The following ELMO1 variants were observed in gnomAD, a reference collection of about 807,000 sequenced individuals.
ELMO1 encodes the protein engulfment and cell motility 1.
In ELMO1, 26 loss-of-function variants were observed where a neutral mutation model predicts 98.9. The ratio of observed to expected loss-of-function variants is 0.26; its 90% CI spans 0.19 to 0.36. The LOEUF (loss-of-function observed/expected upper bound fraction) is 0.36, where lower values mean the gene tolerates loss of function less well. Among genes scored for constraint, ELMO1 ranks in the 10% least tolerant of loss-of-function variants. ELMO1 has a pLI of 1.00. For synonymous variants in ELMO1, 346 were observed against 346.0 expected (o/e 1.00, Z 0.00); for missense variants, 627 against 935.2 (o/e 0.67, Z 4.30).
intron 15 of ELMO1, among the ~76,000 whole-genome samples, chr7:37,041,595 CA>C (rs1490120679): frequency 6.6e-6 from 1 of 152,086 alleles, no homozygotes; most frequent in African/African-American, 2.4e-5. Flanking sequence ...TGAAAAGTAT[CA>C]CCAGAGACAA....
intron 16 of ELMO1, among the ~76,000 whole-genome samples, chr7:37,006,069 T>C (rs1003807987): frequency 7.2e-5 from 11 of 152,168 alleles, no homozygotes; most frequent in African/African-American, 2.7e-4. Context: ...TTATGTACTG[T>C]CCCCAGCCCC....
In ELMO1 at chr7:37,165,741, G is replaced by A. The variant is rs192248614; in HGVS notation, c.1087-32507C>T. Among the ~76,000 whole-genome samples, 217 of 152,278 alleles carry A rather than the reference G, an allele frequency of 1.4e-3. 2 individuals carry two copies. The highest frequency in any genetic ancestry group is 0.011 in the East Asian group (58 of 5,186). ...ATGTGCTGCTGGATTCGGTTTACCAGTATTTTATTGAGGATTTTTGCATCA... is the reference window on the plus strand; with the variant it reads ...ATGTGCTGCTGGATTCGGTTTACCAATATTTTATTGAGGATTTTTGCATCA... On this transcript the variant is annotated intron_variant, in intron 13 of 21. Coordinates refer to ENST00000310758, the MANE Select transcript of ELMO1 (RefSeq NM_014800.11).
At chr7:37,123,109 C>T (rs573292522) in intron 14 of ELMO1, among the ~76,000 whole-genome samples, 2,636 of 150,730 alleles carry the variant, frequency 0.017, 77 homozygotes, top group African/African-American at 0.063. Context: ...CACAACATAC[C>T]AGAATCTCTG....
intron 14 of ELMO1, among the ~76,000 whole-genome samples, chr7:37,131,518 C>G (rs924045532): frequency 1.3e-5 from 2 of 152,158 alleles, no homozygotes; most frequent in African/African-American, 4.8e-5. Context: ...ATTTTAGAAA[C>G]ACTCATCCAT....
intron 15 of ELMO1, among the ~76,000 whole-genome samples, chr7:37,015,582 C>T (rs891657355): frequency 6.6e-6 from 1 of 152,124 alleles, no homozygotes; most frequent in Non-Finnish European, 1.5e-5. Context: ...GCCTGGGCGA[C>T]AAGAGCGAAA....
At chr7:37,395,041 G>C (rs1803232247) in intron 1 of ELMO1, among the ~76,000 whole-genome samples, 1 of 152,076 alleles carries the variant, frequency 6.6e-6, no homozygotes, top group African/African-American at 2.4e-5. Flanking sequence ...TGCAGTACTA[G>C]AAAGAGAGAG....
At chr7:37,204,168 G>A in intron 13 of ELMO1, 1 of 456,448 alleles carries the variant, frequency 2.2e-6, no homozygotes, top group Non-Finnish European at 4.4e-6. Flanking sequence ...CATCTGGGTG[G>A]CCAAAATGTG....
intron 13 of ELMO1, among the ~76,000 whole-genome samples, chr7:37,174,683 A>G (rs1401096799): frequency 6.6e-6 from 1 of 152,226 alleles, no homozygotes; most frequent in Non-Finnish European, 1.5e-5. Context: ...AGGCACCAGT[A>G]CATGATGTTA....
chr7:36,986,878 T>G (rs1203738129), intron 16 of ELMO1, among the ~76,000 whole-genome samples: 4 of 152,108 alleles, frequency 2.6e-5, no homozygotes, highest in African/African-American at 9.7e-5. Context: ...CTACCCAGGA[T>G]GTAAACAAAC....
At chr7:36,980,282 A>C (rs1790931486) in intron 16 of ELMO1, among the ~76,000 whole-genome samples, 1 of 152,244 alleles carries the variant, frequency 6.6e-6, no homozygotes, top group Admixed American at 6.5e-5. Flanking sequence ...AATCAGTTTC[A>C]GCTGTAAGAC....
At chr7:37,221,487 C>A (rs745432928) in intron 10 of ELMO1, among the ~76,000 whole-genome samples, 3 of 151,946 alleles carry the variant, frequency 2.0e-5, no homozygotes, top group African/African-American at 4.8e-5. Context: ...AAATTGTGAC[C>A]AGGGTAACAT....
At chr7:37,057,728 C>T (rs1796462487) in intron 15 of ELMO1, among the ~76,000 whole-genome samples, 1 of 152,170 alleles carries the variant, frequency 6.6e-6, no homozygotes, top group African/African-American at 2.4e-5. Flanking sequence ...ATGAATTGAC[C>T]TCTGGGTTGA....
intron 13 of ELMO1, among the ~76,000 whole-genome samples, chr7:37,149,618 G>T (rs192126114): frequency 6.6e-6 from 1 of 152,148 alleles, no homozygotes; most frequent in African/African-American, 2.4e-5. Context: ...TTTCACATCA[G>T]GGAGCAGAAT....
At chr7:37,014,037 G>A (rs1357643011) in intron 15 of ELMO1, among the ~76,000 whole-genome samples, 1 of 152,138 alleles carries the variant, frequency 6.6e-6, no homozygotes, top group South Asian at 2.1e-4. Flanking sequence ...AACCTGAATA[G>A]CTTTGAAGGC....
intron 13 of ELMO1, among the ~76,000 whole-genome samples, chr7:37,136,998 C>T (rs111906763): frequency 0.023 from 3,495 of 152,208 alleles, 139 homozygotes; most frequent in African/African-American, 0.08. Context: ...AATTCACCAA[C>T]CAAGTTTCTG....
intron 1 of ELMO1, chr7:37,375,416 C>T (rs1441092512): frequency 3.3e-6 from 2 of 612,516 alleles, no homozygotes; most frequent in African/African-American, 1.8e-5. Flanking sequence ...CCATAGATAG[C>T]CTTGTTTATG....
At chr7:37,007,820 G>GTTTC (rs1793250509) in intron 16 of ELMO1, among the ~76,000 whole-genome samples, 4 of 152,142 alleles carry the variant, frequency 2.6e-5, no homozygotes, top group Admixed American at 1.3e-4. Context: ...TTCTCAGGAT[G>GTTTC]TTTCCTTCTG....
At chr7:37,101,096 C>T (rs1193782754) in intron 14 of ELMO1, among the ~76,000 whole-genome samples, 1 of 152,214 alleles carries the variant, frequency 6.6e-6, no homozygotes, top group African/African-American at 2.4e-5. Context: ...AGCAGCTAAA[C>T]CAAAATCATG....
intron 16 of ELMO1, among the ~76,000 whole-genome samples, chr7:36,914,118 A>G (rs182562065): frequency 4.1e-4 from 63 of 152,372 alleles, no homozygotes; most frequent in Admixed American, 7.2e-4. Context: ...TAAGGAAAGC[A>G]GTTCACAAAT....
Sources: gnomAD v4.1 joint callset for allele counts (sites outside exome capture counted in the v4.1 genomes callset) on GRCh38, gnomAD v4.1.1 for gene constraint, MANE v1.5 for transcripts, NCBI Gene and HGNC (gene_info 2026-07-23, HGNC 2026-07-21) for gene names.